Variants in ESRRB observed in about 807,000 individuals in gnomAD.
ESRRB encodes the protein estrogen related receptor beta.
Under a neutral mutation model 46.0 loss-of-function variants are expected in ESRRB, and 16 were observed. That is an observed-to-expected ratio of 0.35 (90% CI 0.24 to 0.53). The LOEUF (loss-of-function observed/expected upper bound fraction) is 0.53, where lower values mean the gene tolerates loss of function less well. Among genes scored for constraint, ESRRB ranks in the 20% least tolerant of loss-of-function variants. The pLI, the probability that ESRRB is intolerant of heterozygous loss-of-function variation, is 0.93. For synonymous variants in ESRRB, 246 were observed against 259.6 expected, an observed-to-expected ratio of 0.95 and a Z score of 0.50; for missense variants, 488 against 607.4, an observed-to-expected ratio of 0.80 and a Z score of 2.07.
At chr14:76,470,081 G>A (rs1889319037) in intron 3 of ESRRB, among the ~76,000 whole-genome samples, 1 of 151,646 alleles carries the variant, frequency 6.6e-6, no homozygotes, top group Admixed American at 6.6e-5. Flanking sequence ...CTGAGTAGCT[G>A]CTATTACAGG....
intron 1 of ESRRB, among the ~76,000 whole-genome samples, chr14:76,318,870 A>C (rs752804759): frequency 2.1e-4 from 32 of 152,240 alleles, no homozygotes; most frequent in Non-Finnish European, 7.3e-5. Flanking sequence ...AGAAGATGCT[A>C]TATTGAGTCA....
chr14:76,478,277 G>A (rs1385267346), intron 3 of ESRRB, among the ~76,000 whole-genome samples: 1 of 152,172 alleles, frequency 6.6e-6, no homozygotes, highest in African/African-American at 2.4e-5. Context: ...CTGGCATGGG[G>A]ATGAGGAGGA....
At chr14:76,491,391 G>GC in intron 5 of ESRRB, 56 bp from the exon 6 acceptor site, 1 of 1,585,492 alleles carries the variant, frequency 6.3e-7, no homozygotes, top group Non-Finnish European at 8.6e-7. Flanking sequence ...CCCCAGGGAG[G>GC]CCCCTGGTCC....
At chr14:76,451,246 AT>A (rs1888369215) in intron 2 of ESRRB, among the ~76,000 whole-genome samples, 1 of 152,130 alleles carries the variant, frequency 6.6e-6, no homozygotes, top group African/African-American at 2.4e-5. Context: ...CATATTTAAG[AT>A]TTGAGGGCTA....
At chr14:76,327,170 C>T (rs1008160218) in intron 1 of ESRRB, among the ~76,000 whole-genome samples, 3 of 152,232 alleles carry the variant, frequency 2.0e-5, no homozygotes, top group Non-Finnish European at 2.9e-5. Context: ...GATTCTCAAC[C>T]AAGAGGCCTG....
chr14:76,381,473 C>T (rs1223881360), intron 1 of ESRRB, among the ~76,000 whole-genome samples: 1 of 152,108 alleles, frequency 6.6e-6, no homozygotes, highest in Non-Finnish European at 1.5e-5. Flanking sequence ...TTTTTTCTTC[C>T]CCAGGGCACT....
chr14:76,313,103 A>C (rs1160612366), intron 1 of ESRRB, among the ~76,000 whole-genome samples: 5 of 152,086 alleles, frequency 3.3e-5, no homozygotes, highest in Non-Finnish European at 7.4e-5. Context: ...GGCTACGTGT[A>C]GATCCTTTCA....
At chr14:76,332,791 A>AT (rs1566853414) in intron 1 of ESRRB, among the ~76,000 whole-genome samples, 2 of 8,714 alleles carry the variant, frequency 2.3e-4, no homozygotes, top group South Asian at 0.011. Flanking sequence ...ATTATATATA[A>AT]ATATATAATA....
At chr14:76,425,831 C>G (rs1887174253) in intron 1 of ESRRB, among the ~76,000 whole-genome samples, 1 of 152,124 alleles carries the variant, frequency 6.6e-6, no homozygotes, top group Admixed American at 6.5e-5. Context: ...TCAAGTGATT[C>G]TCCTACCTCA....
At chr14:76,404,602 C>G (rs551542409) in intron 1 of ESRRB, 1 of 152,920 alleles carries the variant, frequency 6.5e-6, no homozygotes, top group African/African-American at 2.4e-5. Context: ...CTTCCTCCAC[C>G]GTCTCCTCTT....
chr14:76,491,640 G>C lies in ESRRB; in HGVS notation c.1044G>C (p.Leu348=). The C allele has an allele frequency of 1.3e-6, 2 of 1,584,254 alleles. No individual in the cohort carries two copies. Among genetic ancestry groups the C allele is most frequent in the Non-Finnish European group, 1.7e-6 (2 of 1,166,556 alleles). Residue 348 remains leucine (L), a synonymous_variant, in exon 6 of 7, where the codon CTG becomes CTC. Transcript: ENST00000644823. ...LLELYRAILQ[L]VRRYKKLKVE... ...AGCTCTACCGGGCCATCCTGCAGCT[G>C]GTACGCAGGTACAAGAAGCTCAAGG...
At chr14:76,469,944 C>A (rs113593558) in intron 3 of ESRRB, among the ~76,000 whole-genome samples, 9 of 73,064 alleles carry the variant, frequency 1.2e-4, no homozygotes, top group South Asian at 5.0e-4. Context: ...TTTTTTTTTT[C>A]TTTTTTTTTT....
At chr14:76,332,973 T>G (rs1595047052) in intron 1 of ESRRB, among the ~76,000 whole-genome samples, 1 of 46,160 alleles carries the variant, frequency 2.2e-5, no homozygotes, top group East Asian at 1.1e-3. Flanking sequence ...ATATATTATA[T>G]ATCTATATAT....
chr14:76,315,948 T>C (rs184640639), intron 1 of ESRRB, among the ~76,000 whole-genome samples: 1 of 152,174 alleles, frequency 6.6e-6, no homozygotes, highest in South Asian at 2.1e-4. Flanking sequence ...TTCTTAAGTT[T>C]CTTGGCCCTG....
chr14:76,351,986 T>TAAAAAAAAA lies in ESRRB; in HGVS notation c.2+41085_2+41093dup, dbSNP rs201356393. Among the ~76,000 whole-genome samples the TAAAAAAAAA allele has an allele frequency of 9.0e-4, 83 of 91,756 alleles. 2 individuals are homozygous for TAAAAAAAAA. Among genetic ancestry groups the TAAAAAAAAA allele is most frequent in the African/African-American group, 2.5e-3 (52 of 20,852 alleles). 60.2% of individuals were successfully genotyped at this position (91,756 alleles called of 152,430 possible). A position where few individuals can be genotyped will look rare whatever the true frequency, so the allele number is the denominator to read the frequency against. On this transcript the variant is annotated intron_variant, in intron 1 of 6. Coordinates refer to the ESRRB transcript ENST00000512784. ...GGAGACAGAGTGAGACCCAGTCTCT[T>TAAAAAAAAA]AAAAAAAAAAAAAAAAAAAAAAAGC...
At chr14:76,349,439 T>C (rs923601754) in intron 1 of ESRRB, among the ~76,000 whole-genome samples, 2 of 152,250 alleles carry the variant, frequency 1.3e-5, no homozygotes, top group African/African-American at 2.4e-5. Context: ...GATGCACTGG[T>C]CTGGGAAGGG....
intron 1 of ESRRB, among the ~76,000 whole-genome samples, chr14:76,399,711 C>A (rs1428309600): frequency 6.6e-6 from 1 of 152,172 alleles, no homozygotes; most frequent in Admixed American, 6.5e-5. Flanking sequence ...AAGAGGAACT[C>A]CAAAAATGCT....
intron 1 of ESRRB, among the ~76,000 whole-genome samples, chr14:76,313,405 G>A (rs920817879): frequency 1.3e-5 from 2 of 151,432 alleles, no homozygotes; most frequent in Non-Finnish European, 2.9e-5. Flanking sequence ...TTCCATCCTT[G>A]TCATTGTTTA....
At chr14:76,429,181 T>C (rs1241065465) in intron 1 of ESRRB, among the ~76,000 whole-genome samples, 1 of 152,152 alleles carries the variant, frequency 6.6e-6, no homozygotes, top group Non-Finnish European at 1.5e-5. Flanking sequence ...CCACTTGCTG[T>C]GTCTCTATTG....
Sources: gnomAD v4.1 joint callset for allele counts (sites outside exome capture counted in the v4.1 genomes callset) on GRCh38, gnomAD v4.1.1 for gene constraint, MANE v1.5 for transcripts, NCBI Gene and HGNC (gene_info 2026-07-23, HGNC 2026-07-21) for gene names.